Variants in FBXW7 observed in about 807,000 individuals in gnomAD.
FBXW7 encodes F-box/WD repeat-containing protein 7.
In FBXW7, 11 loss-of-function variants were observed where a neutral mutation model predicts 86.3. The ratio of observed to expected loss-of-function variants is 0.13; its 90% confidence interval spans 0.08 to 0.21. The LOEUF is 0.21. Ranked by LOEUF, FBXW7 falls within the 10% of genes least tolerant of loss-of-function variation. The probability of loss-of-function intolerance (pLI) is 1.00; values close to 1 mark genes in which losing one functional copy is unlikely to be tolerated. For missense variants in FBXW7, 488 were observed against 847.4 expected, an observed-to-expected ratio of 0.58 and a Z score of 5.27; for synonymous variants, 313 against 297.9, an observed-to-expected ratio of 1.05 and a Z score of -0.52.
At chr4:152,480,591 C>A (rs1193995154) in intron 2 of FBXW7, among the ~76,000 whole-genome samples, 1 of 152,120 alleles carries the variant, frequency 6.6e-6, no homozygotes. Flanking sequence ...AGCTAGGATT[C>A]TTGTGCCAGT....
intron 4 of FBXW7, among the ~76,000 whole-genome samples, chr4:152,358,315 GC>G (rs1378573911): frequency 6.6e-6 from 1 of 152,044 alleles, no homozygotes; most frequent in African/African-American, 2.4e-5. Flanking sequence ...TCACTCTTCT[GC>G]TTTCTTTACA....
rs745908066 is a variant in FBXW7, at chr4:152,347,075, CAA to C, written c.585-6_585-5del. ...ACATGGTACAAGCCCAGTGGTACTA[CAA>C]AAAAAAAAAAAAGAGAGAGAGAAAG... On this transcript the variant is annotated splice_polypyrimidine_tract_variant and splice_region_variant and intron_variant, in intron 5 of 13. Coordinates refer to ENST00000281708, the MANE Select transcript of FBXW7 (RefSeq NM_001349798.2). 11,465 of 1,216,982 alleles carry C rather than the reference CAA, an allele frequency of 9.4e-3. No homozygotes were observed. The highest frequency in any genetic ancestry group is 0.021 in the South Asian group (1,350 of 63,856). 75.4% of individuals were successfully genotyped at this position (1,216,982 alleles called of 1,614,324 possible).
chr4:152,341,378 C>G (rs941916628), intron 6 of FBXW7, among the ~76,000 whole-genome samples: 3 of 152,172 alleles, frequency 2.0e-5, no homozygotes, highest in African/African-American at 7.2e-5. Context: ...CCCTAGATAC[C>G]CACATGCCTT....
intron 2 of FBXW7, among the ~76,000 whole-genome samples, chr4:152,519,159 G>A (rs1244175768): frequency 6.6e-6 from 1 of 152,090 alleles, no homozygotes; most frequent in African/African-American, 2.4e-5. Flanking sequence ...TTAGCAGGGC[G>A]TAGCGGTGGG....
intron 4 of FBXW7, among the ~76,000 whole-genome samples, chr4:152,382,939 C>T (rs1013570019): frequency 6.6e-6 from 1 of 151,954 alleles, no homozygotes; most frequent in African/African-American, 2.4e-5. Flanking sequence ...TTATAATGAG[C>T]ACTATTTTCA....
intron 2 of FBXW7, among the ~76,000 whole-genome samples, chr4:152,443,851 TTTA>T (rs1316054056): frequency 1.3e-5 from 2 of 152,230 alleles, no homozygotes; most frequent in Non-Finnish European, 2.9e-5. Flanking sequence ...TGTTCCCTGT[TTTA>T]TTAATTTACT....
intron 2 of FBXW7, among the ~76,000 whole-genome samples, chr4:152,454,807 G>C (rs1579246867): frequency 6.6e-6 from 1 of 152,048 alleles, no homozygotes; most frequent in African/African-American, 2.4e-5. Context: ...ACAGATATTT[G>C]TAAGTTGTAT....
intron 2 of FBXW7, among the ~76,000 whole-genome samples, chr4:152,441,846 G>A (rs1560902311): frequency 6.6e-6 from 1 of 152,158 alleles, no homozygotes; most frequent in Non-Finnish European, 1.5e-5. Flanking sequence ...AGCAGAATAT[G>A]TTACAAAACT....
At chr4:152,503,565 C>T (rs1355547987) in intron 2 of FBXW7, among the ~76,000 whole-genome samples, 4 of 151,950 alleles carry the variant, frequency 2.6e-5, no homozygotes, top group African/African-American at 9.7e-5. Flanking sequence ...AGCCACCGTG[C>T]CCGGCCCCAA....
chr4:152,457,552 G>A (rs984363785), intron 2 of FBXW7, among the ~76,000 whole-genome samples: 12 of 150,786 alleles, frequency 8.0e-5, no homozygotes, highest in Non-Finnish European at 1.6e-4. Context: ...GCTGAGGCAG[G>A]AGAATGGCGT....
chr4:152,500,496 CAAAAAAAA>C (rs34375454), intron 2 of FBXW7, among the ~76,000 whole-genome samples: 158 of 73,102 alleles, frequency 2.2e-3, no homozygotes, highest in Non-Finnish European at 3.7e-3. Context: ...GCTTTGTCAG[CAAAAAAAA>C]AAAAAAAAAA....
At chr4:152,412,123 T>G (rs1218574409) in intron 3 of FBXW7, among the ~76,000 whole-genome samples, 4 of 152,174 alleles carry the variant, frequency 2.6e-5, no homozygotes, top group Non-Finnish European at 4.4e-5. Context: ...AGCATGAAGA[T>G]TTATAGTTTA....
At chr4:152,474,392 T>C (rs1172445630) in intron 2 of FBXW7, among the ~76,000 whole-genome samples, 2 of 152,214 alleles carry the variant, frequency 1.3e-5, no homozygotes, top group Admixed American at 1.3e-4. Flanking sequence ...TTTTCAATTT[T>C]AATTATGGCG....
At chr4:152,365,565 T>C (rs558757347) in intron 4 of FBXW7, among the ~76,000 whole-genome samples, 2 of 152,260 alleles carry the variant, frequency 1.3e-5, no homozygotes, top group East Asian at 1.9e-4. Flanking sequence ...GGGTCATGCA[T>C]GGCAAGTAAA....
At chr4:152,442,517 T>G (rs1414760621) in intron 2 of FBXW7, among the ~76,000 whole-genome samples, 2 of 152,270 alleles carry the variant, frequency 1.3e-5, no homozygotes, top group Non-Finnish European at 2.9e-5. Context: ...TCATTAGGAC[T>G]GTAAACTCCA....
chr4:152,405,495 T>C (rs1737338719), intron 4 of FBXW7, among the ~76,000 whole-genome samples: 1 of 152,182 alleles, frequency 6.6e-6, no homozygotes, highest in Non-Finnish European at 1.5e-5. Flanking sequence ...TCATTTAGGT[T>C]TGGCTTTATC....
intron 6 of FBXW7, among the ~76,000 whole-genome samples, chr4:152,340,947 T>G (rs1055673130): frequency 1.2e-4 from 19 of 152,294 alleles, no homozygotes; most frequent in African/African-American, 3.6e-4. Context: ...TCCTGACCCC[T>G]CCCTCTCTTT....
At chr4:152,530,055 CAAA>C (rs576815451) in intron 2 of FBXW7, among the ~76,000 whole-genome samples, 1 of 82,836 alleles carries the variant, frequency 1.2e-5, no homozygotes, top group Non-Finnish European at 2.5e-5. Flanking sequence ...GACCCCGTCA[CAAA>C]AAAAAAAAAA....
intron 2 of FBXW7, among the ~76,000 whole-genome samples, chr4:152,419,221 T>G (rs1738721868): frequency 6.6e-6 from 1 of 152,152 alleles, no homozygotes; most frequent in Admixed American, 6.5e-5. Context: ...TTAAATCTGC[T>G]GAGCCTAAGA....
Sources: allele counts gnomAD v4.1 joint callset (sites outside exome capture counted in the v4.1 genomes callset), GRCh38; gene constraint gnomAD v4.1.1; transcripts MANE v1.5; gene names NCBI Gene and HGNC (gene_info 2026-07-23, HGNC 2026-07-21).